FER1L6: variants seen among roughly 807,000 people sequenced by gnomAD.
FER1L6 encodes fer-1 like family member 6.
In FER1L6, 177 loss-of-function variants were observed where a neutral mutation model predicts 219.2. The ratio of observed to expected loss-of-function variants is 0.81; its 90% CI spans 0.71 to 0.91. The LOEUF (loss-of-function observed/expected upper bound fraction) is 0.91, where lower values mean the gene tolerates loss of function less well. Among genes scored for constraint, FER1L6 ranks in the 40% least tolerant of loss-of-function variants. The pLI is 0.00. For synonymous variants in FER1L6, 768 were observed against 824.3 expected (o/e 0.93, Z 1.17); for missense variants, 2,153 against 2,259.9 (o/e 0.95, Z 0.96).
At position 123,985,768 on chromosome 8, in the gene FER1L6, A is replaced by G. The variant is rs192979791; in HGVS notation, c.1411-300A>G. On this transcript the variant is annotated intron_variant, in intron 11 of 40. Transcript: ENST00000522917. ...AATTCCAAACCCGTGTTTCACCAGC[A>G]GCATCCTAGAAAGATACGCACACCA... is the stretch of plus-strand genomic sequence containing the variant. 1.0e-4 allele frequency: 24 copies of G among 240,696 alleles called. 2 individuals are homozygous for G. The Admixed American group carries it at 1.1e-3, about 11-fold the overall frequency. The allele number at this position is 240,696 out of a possible 1,614,324, so 14.9% of individuals were successfully genotyped here. A position where few individuals can be genotyped will look rare whatever the true frequency, so the allele number is the denominator to read the frequency against.
intron 13 of FER1L6, among the ~76,000 whole-genome samples, chr8:124,003,935 C>T (rs1182832567): frequency 6.6e-6 from 1 of 151,956 alleles, no homozygotes. Flanking sequence ...CTGAAGTACC[C>T]TTTATTCTAT....
intron 14 of FER1L6, among the ~76,000 whole-genome samples, chr8:124,013,113 C>T (rs190646584): frequency 3.2e-4 from 48 of 152,180 alleles, no homozygotes; most frequent in Non-Finnish European, 5.7e-4. Flanking sequence ...TAGCTATTTC[C>T]CACGTTATTA....
At chr8:124,117,211 TG>T (rs1823284474) in intron 39 of FER1L6, among the ~76,000 whole-genome samples, 1 of 152,222 alleles carries the variant, frequency 6.6e-6, no homozygotes, top group African/African-American at 2.4e-5. Context: ...AAAAGTTACT[TG>T]ATCTCTGTGA....
intron 1 of FER1L6, among the ~76,000 whole-genome samples, chr8:123,950,709 C>T (rs377167660): frequency 1.2e-3 from 178 of 152,216 alleles, no homozygotes; most frequent in African/African-American, 4.3e-3. Flanking sequence ...CTATAATGTA[C>T]AAAATTAGGG....
chr8:124,093,494 G>A (rs913632592), intron 34 of FER1L6, among the ~76,000 whole-genome samples: 1 of 151,928 alleles, frequency 6.6e-6, no homozygotes, highest in East Asian at 1.9e-4. Context: ...GTTATTTCAA[G>A]CCCAGAAACC....
At chr8:123,858,164 A>G (rs1456901282) in intron 1 of FER1L6, among the ~76,000 whole-genome samples, 1 of 152,150 alleles carries the variant, frequency 6.6e-6, no homozygotes, top group Non-Finnish European at 1.5e-5. Flanking sequence ...CCTTTAAATG[A>G]CACTTTAAGA....
Position 123,966,148 on chromosome 8 carries a change from T to A in FER1L6, c.253-11T>A, listed in dbSNP as rs746401662. On this transcript the variant is annotated splice_polypyrimidine_tract_variant and intron_variant, in intron 4 of 40. Coordinates refer to ENST00000522917, the MANE Select transcript of FER1L6 (RefSeq NM_001039112.2). ...TGTCCGGAATGGTGTCCACACTGCT[T>A]TGTGTTGCAGATTGCCATAACCATC... The A allele has an allele frequency of 5.6e-6, 9 of 1,613,848 alleles. No individual in the cohort carries two copies. In the South Asian group the frequency reaches 6.6e-5, roughly 12 times the overall value.
rs145269536 is a variant in FER1L6, at chr8:123,866,011, C to A, written c.-8+13826C>A. Among the ~76,000 whole-genome samples, 472 of 151,508 alleles carry A rather than the reference C, an allele frequency of 3.1e-3. 2 individuals are homozygous for A. The highest frequency in any genetic ancestry group is 5.0e-3 in the Non-Finnish European group (340 of 68,014). The stretch of plus-strand genomic sequence containing the variant: ...CGGCCATCTTGGCTCCTCCCCCCCA[C>A]ATTTTCTTAATCCAGTCTATCACTG... On this transcript the variant is annotated intron_variant, in intron 1 of 40. Transcript: ENST00000522917.
At chr8:124,109,353 G>T (rs752556496) in intron 39 of FER1L6, among the ~76,000 whole-genome samples, 1 of 152,166 alleles carries the variant, frequency 6.6e-6, no homozygotes, top group Non-Finnish European at 1.5e-5. Flanking sequence ...CATCTTATCA[G>T]TTCTTTACTG....
At chr8:123,965,272 A>C (rs989297587) in intron 3 of FER1L6, among the ~76,000 whole-genome samples, 1 of 152,242 alleles carries the variant, frequency 6.6e-6, no homozygotes, top group African/African-American at 2.4e-5. Flanking sequence ...TATAATCAGC[A>C]GAAATGGGAT....
chr8:123,962,172 A>T (rs1815319657), intron 2 of FER1L6, among the ~76,000 whole-genome samples: 1 of 152,136 alleles, frequency 6.6e-6, no homozygotes, highest in Non-Finnish European at 1.5e-5. Flanking sequence ...TACAGGCATG[A>T]ACCACTGTGC....
intron 1 of FER1L6, among the ~76,000 whole-genome samples, chr8:123,876,201 C>T (rs1817001762): frequency 6.6e-6 from 1 of 152,210 alleles, no homozygotes; most frequent in African/African-American, 2.4e-5. Context: ...TTCTTGAATA[C>T]ACTCAGCAAG....
At chr8:123,990,435 G>A (rs906313511) in intron 12 of FER1L6, among the ~76,000 whole-genome samples, 1 of 152,074 alleles carries the variant, frequency 6.6e-6, no homozygotes, top group African/African-American at 2.4e-5. Context: ...GGGTAGGATG[G>A]TATCTCACTG....
At chr8:124,078,713 A>AG (rs61452366) in intron 32 of FER1L6, among the ~76,000 whole-genome samples, 128,939 of 151,872 alleles carry the variant, frequency 0.85, 54,849 homozygotes, top group African/African-American at 0.88. Flanking sequence ...CCCAGGTGGG[A>AG]TGGGATGGGT....
intron 39 of FER1L6, among the ~76,000 whole-genome samples, chr8:124,110,872 C>T (rs1219780728): frequency 6.6e-6 from 1 of 151,978 alleles, no homozygotes; most frequent in Admixed American, 6.6e-5. Flanking sequence ...ATTTTTAAAG[C>T]TGTTATCAGT....
intron 22 of FER1L6, 138 bp downstream of exon 22, chr8:124,049,894 T>C (rs929608643): frequency 1.5e-5 from 13 of 847,812 alleles, no homozygotes; most frequent in Non-Finnish European, 2.3e-5. Flanking sequence ...CCTGGGGACC[T>C]GAGAGGTGCG....
chr8:123,896,159 A>G (rs1812739025), intron 1 of FER1L6, among the ~76,000 whole-genome samples: 1 of 152,206 alleles, frequency 6.6e-6, no homozygotes, highest in East Asian at 1.9e-4. Context: ...AAATGAAGCC[A>G]ACCCAGGGAT....
intron 3 of FER1L6, among the ~76,000 whole-genome samples, chr8:123,965,712 A>C (rs1279230628): frequency 6.6e-6 from 1 of 152,206 alleles, no homozygotes; most frequent in African/African-American, 2.4e-5. Flanking sequence ...AATACTGATA[A>C]TCATATAAAA....
At chr8:123,915,387 T>A (rs557234224) in intron 1 of FER1L6, among the ~76,000 whole-genome samples, 11 of 152,208 alleles carry the variant, frequency 7.2e-5, no homozygotes, top group African/African-American at 2.6e-4. Context: ...GTCTGGACAC[T>A]TTTTAAAGTG....
Sources: gnomAD v4.1 joint callset for allele counts (sites outside exome capture counted in the v4.1 genomes callset) on GRCh38, gnomAD v4.1.1 for gene constraint, MANE v1.5 for transcripts, NCBI Gene and HGNC (gene_info 2026-07-23, HGNC 2026-07-21) for gene names.